TRIO: variants seen among roughly 807,000 people sequenced by gnomAD.
The protein encoded by TRIO is triple functional domain protein.
Under a neutral mutation model 351.9 loss-of-function variants are expected in TRIO, and 58 were observed. The ratio of observed to expected loss-of-function variants is 0.16; its 90% CI spans 0.13 to 0.21. The LOEUF (loss-of-function observed/expected upper bound fraction) is 0.21. Among genes scored for constraint, TRIO ranks in the 10% least tolerant of loss-of-function variants. The pLI, the probability that TRIO is intolerant of heterozygous loss-of-function variation, is 1.00. For missense variants in TRIO, 3,201 were observed against 4,027.8 expected (o/e 0.79, Z 5.56); for synonymous variants, 1,758 against 1,595.7 (o/e 1.10, Z -2.42).
At chr5:14,260,754 G>T (rs374199770) in intron 1 of TRIO, among the ~76,000 whole-genome samples, 1 of 152,330 alleles carries the variant, frequency 6.6e-6, no homozygotes. Flanking sequence ...TAACGTTGTG[G>T]AGTACATTAG....
At chr5:14,506,020 G>C (rs972497425) in intron 55 of TRIO, among the ~76,000 whole-genome samples, 10 of 152,180 alleles carry the variant, frequency 6.6e-5, no homozygotes, top group Admixed American at 3.3e-4. Context: ...GTGGGGCCGA[G>C]ATGGGGCGAT....
At chr5:14,335,335 T>TA (rs1447253579) in intron 10 of TRIO, among the ~76,000 whole-genome samples, 1 of 152,228 alleles carries the variant, frequency 6.6e-6, no homozygotes, top group East Asian at 1.9e-4. Context: ...CTGCTCATCT[T>TA]ACATCTCTGA....
At chr5:14,224,967 C>T (rs374326592) in intron 1 of TRIO, among the ~76,000 whole-genome samples, 4 of 152,254 alleles carry the variant, frequency 2.6e-5, no homozygotes, top group African/African-American at 7.2e-5. Flanking sequence ...CCTGAGCCTT[C>T]GTTCCTTGTT....
intron 9 of TRIO, 137 bp downstream of exon 9, chr5:14,316,880 T>C (rs1437185144): frequency 9.5e-6 from 10 of 1,051,606 alleles, no homozygotes; most frequent in Admixed American, 5.1e-5. Context: ...TTGTTGAATG[T>C]AAGTGAAAAC....
At chr5:14,336,397 C>A in intron 10 of TRIO, 139 bp from the exon 11 acceptor site, 2 of 845,286 alleles carry the variant, frequency 2.4e-6, no homozygotes, top group East Asian at 2.5e-5. Context: ...TCATCTCTCC[C>A]CATCATATTT....
rs1156257257 is a variant in TRIO, at chr5:14,430,809, G to A, written c.5203+10788G>A. On this transcript the variant is annotated intron_variant, in intron 34 of 56. Transcript: ENST00000344204. Reference sequence around the variant, plus strand: ...CGGCTCACCGCAATCTCCGCCTCCCGAGTTCAAGGGATTCTCCTGCCTCAG... The same window carrying A: ...CGGCTCACCGCAATCTCCGCCTCCCAAGTTCAAGGGATTCTCCTGCCTCAG... Among the ~76,000 whole-genome samples the A allele has an allele frequency of 3.3e-5, 5 of 151,874 alleles. No homozygotes were observed. The East Asian group carries it at 7.7e-4, about 23-fold the overall frequency.
chr5:14,355,381 C>T (rs1239615291), intron 11 of TRIO, among the ~76,000 whole-genome samples: 1 of 152,162 alleles, frequency 6.6e-6, no homozygotes, highest in Non-Finnish European at 1.5e-5. Flanking sequence ...TTGTCCAGAG[C>T]GTTGCTGTTG....
intron 45 of TRIO, 91 bp downstream of exon 45, chr5:14,481,709 T>C: frequency 7.6e-7 from 1 of 1,313,668 alleles, no homozygotes; most frequent in South Asian, 1.3e-5. Context: ...AGAAAGCTGA[T>C]CCTTTTCACT....
intron 2 of TRIO, among the ~76,000 whole-genome samples, chr5:14,272,558 A>G (rs1045764949): frequency 6.6e-6 from 1 of 152,246 alleles, no homozygotes; most frequent in African/African-American, 2.4e-5. Context: ...GTTTGTCTTA[A>G]ATGTTTAATA....
At chr5:14,156,464 A>G (rs1347575930) in intron 1 of TRIO, among the ~76,000 whole-genome samples, 1 of 152,230 alleles carries the variant, frequency 6.6e-6, no homozygotes. Context: ...AATTACACAT[A>G]TGCAAACGTG....
intron 41 of TRIO, 63 bp downstream of exon 41, chr5:14,477,026 C>G (rs747686156): frequency 1.9e-5 from 28 of 1,451,056 alleles, no homozygotes; most frequent in Non-Finnish European, 2.5e-5. Flanking sequence ...ACTGGTTTGT[C>G]AGATTAAAGG....
intron 1 of TRIO, among the ~76,000 whole-genome samples, chr5:14,218,863 T>C (rs560920992): frequency 3.2e-4 from 48 of 152,222 alleles, no homozygotes; most frequent in Non-Finnish European, 6.0e-4. Context: ...AGTAAACTCC[T>C]CTGAAGAGGA....
intron 7 of TRIO, among the ~76,000 whole-genome samples, chr5:14,303,043 C>G (rs28526643): frequency 2.8e-5 from 3 of 106,690 alleles, no homozygotes; most frequent in Non-Finnish European, 3.9e-5. Flanking sequence ...GCCGCAGGAC[C>G]GTTGATGATC....
intron 34 of TRIO, among the ~76,000 whole-genome samples, chr5:14,430,255 C>G (rs935810499): frequency 6.7e-6 from 1 of 149,098 alleles, no homozygotes; most frequent in African/African-American, 2.5e-5. Context: ...TTGAATGGGC[C>G]TCTTTAAATC....
rs117408965 is a variant in TRIO at position 14,202,175 on chromosome 5, T to C, written c.157+58293T>C. Among the ~76,000 whole-genome samples the C allele has an allele frequency of 1.5e-3, 231 of 151,580 alleles. 4 individuals are homozygous for C. In the East Asian group the frequency reaches 0.036, roughly 23 times the overall value. ...CTGTTATGAACTTGTGAAAACAGCA[T>C]ATAGCATATAGATAACCCAGCATTG... On this transcript the variant is annotated intron_variant, in intron 1 of 56. Coordinates refer to ENST00000344204, the MANE Select transcript of TRIO (RefSeq NM_007118.4).
At chr5:14,205,782 G>T (rs1335096166) in intron 1 of TRIO, among the ~76,000 whole-genome samples, 1 of 152,082 alleles carries the variant, frequency 6.6e-6, no homozygotes, top group East Asian at 1.9e-4. Flanking sequence ...ACCCGGGCTG[G>T]AGTGCAGTGG....
intron 1 of TRIO, among the ~76,000 whole-genome samples, chr5:14,233,240 G>T (rs1352326753): frequency 1.3e-5 from 2 of 150,688 alleles, no homozygotes; most frequent in Non-Finnish European, 2.9e-5. Flanking sequence ...CAGCACTTCG[G>T]GAAGCCAAGG....
At chr5:14,340,917 G>T (rs1016934060) in intron 11 of TRIO, among the ~76,000 whole-genome samples, 2 of 152,170 alleles carry the variant, frequency 1.3e-5, no homozygotes, top group Non-Finnish European at 2.9e-5. Flanking sequence ...CAGCCCATTT[G>T]CCCCTCAAGC....
chr5:14,399,201 T>C, intron 30 of TRIO, 131 bp downstream of exon 30: 1 of 874,928 alleles, frequency 1.1e-6, no homozygotes, highest in Non-Finnish European at 1.8e-6. Flanking sequence ...GTCTGAATTG[T>C]GGTAGGGTTT....
Sources: gnomAD v4.1 joint callset for allele counts (sites outside exome capture counted in the v4.1 genomes callset) on GRCh38, gnomAD v4.1.1 for gene constraint, MANE v1.5 for transcripts, NCBI Gene and HGNC (gene_info 2026-07-23, HGNC 2026-07-21) for gene names.